MALRD1: variants seen among roughly 807,000 people sequenced by gnomAD.
The protein encoded by MALRD1 is MAM and LDL receptor class A domain containing 1.
In MALRD1, 247 loss-of-function variants were observed where a neutral mutation model predicts 242.1. The ratio of observed to expected loss-of-function variants is 1.02; its 90% CI spans 0.92 to 1.13. The LOEUF (loss-of-function observed/expected upper bound fraction) is 1.13. MALRD1 is among the 50% of genes most tolerant of loss of function. The pLI is 0.00. For synonymous variants in MALRD1, 995 were observed against 866.6 expected (o/e 1.15, Z -2.60); for missense variants, 2,989 against 2,533.1 (o/e 1.18, Z -3.86).
At chr10:19,484,554 C>G (rs1837159055) in intron 29 of MALRD1, among the ~76,000 whole-genome samples, 1 of 152,008 alleles carries the variant, frequency 6.6e-6, no homozygotes, top group Non-Finnish European at 1.5e-5. Flanking sequence ...AAAATAGCAA[C>G]AGTTTTTTAA....
At chr10:19,305,628 T>G (rs1176583274) in intron 21 of MALRD1, among the ~76,000 whole-genome samples, 1 of 150,868 alleles carries the variant, frequency 6.6e-6, no homozygotes, top group Non-Finnish European at 1.5e-5. Flanking sequence ...TGTCTTCATT[T>G]CATTGTTTCT....
chr10:19,281,720 A>T (rs1200383502), intron 20 of MALRD1, among the ~76,000 whole-genome samples: 1 of 152,112 alleles, frequency 6.6e-6, no homozygotes, highest in Non-Finnish European at 1.5e-5. Context: ...GCCTGTAATC[A>T]TAGCACTTTG....
chr10:19,104,452 G>T (rs1836391299), intron 5 of MALRD1, among the ~76,000 whole-genome samples: 1 of 152,080 alleles, frequency 6.6e-6, no homozygotes. Flanking sequence ...TCTGCTGAAA[G>T]ATACAAAATA....
intron 36 of MALRD1, among the ~76,000 whole-genome samples, chr10:19,680,232 G>C (rs115960638): frequency 1.3e-5 from 2 of 152,140 alleles, no homozygotes; most frequent in African/African-American, 4.8e-5. Flanking sequence ...AATATTGACA[G>C]TTGGGTGTTA....
chr10:19,106,124 A>AT (rs1449795446), intron 5 of MALRD1, among the ~76,000 whole-genome samples: 1 of 151,878 alleles, frequency 6.6e-6, no homozygotes, highest in Non-Finnish European at 1.5e-5. Flanking sequence ...CATGCATAGA[A>AT]TGTATTCAGT....
chr10:19,726,633 G>C (rs1319075224), intron 38 of MALRD1, among the ~76,000 whole-genome samples: 1 of 152,096 alleles, frequency 6.6e-6, no homozygotes, highest in African/African-American at 2.4e-5. Flanking sequence ...GACTTAAACA[G>C]ATATTCATGC....
intron 21 of MALRD1, among the ~76,000 whole-genome samples, chr10:19,316,028 T>C (rs1842691710): frequency 6.6e-6 from 1 of 150,704 alleles, no homozygotes; most frequent in African/African-American, 2.4e-5. Flanking sequence ...TGCACTTTTA[T>C]TTCTCTGTGC....
chr10:19,245,229 T>C (rs1838990500), intron 18 of MALRD1, among the ~76,000 whole-genome samples: 1 of 152,190 alleles, frequency 6.6e-6, no homozygotes, highest in South Asian at 2.1e-4. Flanking sequence ...AACTATAATC[T>C]AGGTAACGTG....
intron 33 of MALRD1, among the ~76,000 whole-genome samples, chr10:19,581,768 A>T (rs1409327052): frequency 2.0e-5 from 3 of 150,474 alleles, no homozygotes; most frequent in Non-Finnish European, 1.5e-5. Context: ...TGGTATTTCT[A>T]GTTCTAGATC....
chr10:19,598,242 C>G (rs12246908), intron 34 of MALRD1: 176 of 152,278 alleles, frequency 1.2e-3, no homozygotes, highest in African/African-American at 4.1e-3. Flanking sequence ...TCAACAGTGA[C>G]TTCCAAGACT....
chr10:19,433,416 G>A (rs1350431417), intron 28 of MALRD1, among the ~76,000 whole-genome samples: 1 of 152,166 alleles, frequency 6.6e-6, no homozygotes, highest in Non-Finnish European at 1.5e-5. Flanking sequence ...GAGCAGGAGT[G>A]AGGAGAAGCA....
chr10:19,369,649 A>ATGC (rs1845286576), intron 26 of MALRD1, among the ~76,000 whole-genome samples: 1 of 150,372 alleles, frequency 6.7e-6, no homozygotes. Flanking sequence ...ATTTAAAAAA[A>ATGC]ATACATATTT....
intron 32 of MALRD1, among the ~76,000 whole-genome samples, chr10:19,534,890 TTG>T (rs1554794633): frequency 1.3e-5 from 2 of 151,704 alleles, no homozygotes; most frequent in African/African-American, 4.9e-5. Context: ...GTTGTTGTTG[TTG>T]TTTTTGTTTT....
chr10:19,376,024 A>C (rs1845573257), intron 26 of MALRD1, among the ~76,000 whole-genome samples: 1 of 152,202 alleles, frequency 6.6e-6, no homozygotes, highest in Non-Finnish European at 1.5e-5. Flanking sequence ...CAGGAGGCTG[A>C]GGCAGGGGAA....
At chr10:19,644,950 G>A (rs553049207) in intron 36 of MALRD1, among the ~76,000 whole-genome samples, 100 of 152,222 alleles carry the variant, frequency 6.6e-4, no homozygotes, top group African/African-American at 2.2e-3. Flanking sequence ...AACAGATCCT[G>A]TAAAAATTAA....
intron 4 of MALRD1, among the ~76,000 whole-genome samples, chr10:19,103,664 A>G (rs964617070): frequency 1.3e-5 from 2 of 152,192 alleles, no homozygotes; most frequent in Non-Finnish European, 2.9e-5. Flanking sequence ...AAGCAGGTAA[A>G]TGCGAAACAG....
intron 21 of MALRD1, among the ~76,000 whole-genome samples, chr10:19,318,409 A>G (rs1305360245): frequency 1.3e-5 from 2 of 151,632 alleles, no homozygotes; most frequent in Non-Finnish European, 2.9e-5. Flanking sequence ...TTTCAGAGAT[A>G]TATAATATTA....
At chr10:19,495,539 A>G (rs1837675562) in intron 30 of MALRD1, among the ~76,000 whole-genome samples, 1 of 152,176 alleles carries the variant, frequency 6.6e-6, no homozygotes, top group South Asian at 2.1e-4. Context: ...TCCTTTTCAG[A>G]CAAGCAAATG....
At chr10:19,684,740 A>G (rs770469937) in intron 36 of MALRD1, among the ~76,000 whole-genome samples, 2 of 152,224 alleles carry the variant, frequency 1.3e-5, no homozygotes, top group African/African-American at 2.4e-5. Context: ...TGACAGAGCA[A>G]GACTCTAACT....
Sources: gnomAD v4.1 joint callset for allele counts (sites outside exome capture counted in the v4.1 genomes callset) on GRCh38, gnomAD v4.1.1 for gene constraint, MANE v1.5 for transcripts, NCBI Gene and HGNC (gene_info 2026-07-23, HGNC 2026-07-21) for gene names.